VAT1L: variants seen among roughly 807,000 people sequenced by gnomAD.
VAT1L encodes the protein vesicle amine transport 1 like, also known as putative NADPH-dependent quinone oxidoreductase VAT1L.
In VAT1L, 34 loss-of-function variants were observed where a neutral mutation model predicts 44.1. The ratio of observed to expected loss-of-function variants is 0.77; its 90% CI spans 0.59 to 1.03. The LOEUF (loss-of-function observed/expected upper bound fraction) is 1.03, where lower values mean the gene tolerates loss of function less well. Ranked by LOEUF, VAT1L falls within the 50% of genes least tolerant of loss-of-function variation. VAT1L has a pLI of 0.00. For synonymous variants in VAT1L, 253 were observed against 202.2 expected, an observed-to-expected ratio of 1.25 and a Z score of -2.13; for missense variants, 615 against 538.8, an observed-to-expected ratio of 1.14 and a Z score of -1.40.
chr16:77,807,614 G>T (rs1285925225), intron 1 of VAT1L, among the ~76,000 whole-genome samples: 2 of 152,066 alleles, frequency 1.3e-5, no homozygotes, highest in African/African-American at 4.8e-5. Context: ...GCAAATCTCA[G>T]TCTCGGAGTC....
At chr16:77,831,243 G>A (rs2016574977) in intron 3 of VAT1L, among the ~76,000 whole-genome samples, 3 of 152,162 alleles carry the variant, frequency 2.0e-5, no homozygotes, top group Admixed American at 2.0e-4. Flanking sequence ...CCTCACGTAA[G>A]GATTAAGGGA....
chr16:77,859,634 G>A (rs534301367), intron 3 of VAT1L, among the ~76,000 whole-genome samples: 53 of 152,324 alleles, frequency 3.5e-4, no homozygotes, highest in African/African-American at 1.2e-3. Flanking sequence ...GTCAGGTGGA[G>A]GAGTGTTGTC....
At chr16:77,858,879 T>C (rs1051318869) in intron 3 of VAT1L, among the ~76,000 whole-genome samples, 1 of 152,078 alleles carries the variant, frequency 6.6e-6, no homozygotes, top group African/African-American at 2.4e-5. Flanking sequence ...CTCACACCTG[T>C]AATCCCAGCA....
At position 77,930,727 on chromosome 16, in the gene VAT1L, A is replaced by G. The variant is rs143256399; in HGVS notation, c.1078-41123A>G. Among the ~76,000 whole-genome samples, 141 of 152,250 alleles carry G rather than the reference A, an allele frequency of 9.3e-4. 1 individual carries two copies. The East Asian group carries it at 0.025, about 27-fold the overall frequency. ...TCAGTCTTCTTCCCAGGAAATGGAC[A>G]TCTCCTCTTGGCCTGCTCCAACATG... On this transcript the variant is annotated intron_variant, in intron 7 of 8. Transcript: ENST00000302536.
intron 8 of VAT1L, among the ~76,000 whole-genome samples, chr16:77,972,303 T>C (rs2018287740): frequency 1.3e-5 from 2 of 152,142 alleles, no homozygotes; most frequent in South Asian, 2.1e-4. Context: ...TGCTCCCTGA[T>C]GGTTCCACAG....
At chr16:77,824,541 G>A (rs535528525) in intron 2 of VAT1L, among the ~76,000 whole-genome samples, 89 of 152,158 alleles carry the variant, frequency 5.8e-4, no homozygotes, top group African/African-American at 1.9e-3. Context: ...GGATCATGGG[G>A]TCAGGAGATC....
chr16:77,924,207 C>T (rs968187255), intron 7 of VAT1L, among the ~76,000 whole-genome samples: 1 of 151,296 alleles, frequency 6.6e-6, no homozygotes, highest in Admixed American at 6.6e-5. Context: ...GAAACTCTTC[C>T]TTCAATATTT....
intron 7 of VAT1L, among the ~76,000 whole-genome samples, chr16:77,965,772 T>C (rs181145419): frequency 3.5e-4 from 54 of 152,190 alleles, no homozygotes; most frequent in East Asian, 1.9e-4. Flanking sequence ...GACAAAGACC[T>C]CTAGGTGAGG....
At chr16:77,859,743 G>A (rs542370791) in intron 3 of VAT1L, among the ~76,000 whole-genome samples, 5 of 152,184 alleles carry the variant, frequency 3.3e-5, no homozygotes, top group South Asian at 4.1e-4. Context: ...ATATAGGGAC[G>A]TGGGGTTGAG....
intron 7 of VAT1L, among the ~76,000 whole-genome samples, chr16:77,939,447 G>GC (rs1480325194): frequency 6.6e-6 from 1 of 152,188 alleles, no homozygotes; most frequent in East Asian, 1.9e-4. Context: ...TGATAACTCA[G>GC]CAAGTGCCAC....
At chr16:77,833,123 C>T (rs988999364) in intron 3 of VAT1L, among the ~76,000 whole-genome samples, 1 of 152,210 alleles carries the variant, frequency 6.6e-6, no homozygotes, top group Admixed American at 6.5e-5. Context: ...TACTTATTCA[C>T]TCATTCAGCA....
At chr16:77,812,307 A>G (rs2145229496) in intron 1 of VAT1L, among the ~76,000 whole-genome samples, 1 of 152,196 alleles carries the variant, frequency 6.6e-6, no homozygotes, top group East Asian at 1.9e-4. Flanking sequence ...TCCTGACCTC[A>G]GGTAATCCAC....
At chr16:77,961,666 C>A (rs2018161774) in intron 7 of VAT1L, among the ~76,000 whole-genome samples, 1 of 152,118 alleles carries the variant, frequency 6.6e-6, no homozygotes, top group South Asian at 2.1e-4. Context: ...GCCATTTTCC[C>A]CTGGCTGCCC....
In VAT1L at chr16:77,861,847, A is replaced by G. The variant is rs536237119; in HGVS notation, c.580-901A>G. ...GGGATAACTCAGAGGCGTATTCTAC[A>G]CTTGCTCACAGGGTTCCCCAGAGGG... On this transcript the variant is annotated intron_variant, in intron 3 of 8. Coordinates refer to ENST00000302536, the MANE Select transcript of VAT1L (RefSeq NM_020927.3). Among the ~76,000 whole-genome samples, 11 of 152,338 alleles carry G rather than the reference A, an allele frequency of 7.2e-5. No individual in the cohort carries two copies. In the South Asian group the frequency reaches 1.7e-3, roughly 23 times the overall value.
At chr16:77,822,479 G>A (rs1187599680) in intron 2 of VAT1L, among the ~76,000 whole-genome samples, 1 of 152,156 alleles carries the variant, frequency 6.6e-6, no homozygotes, top group Non-Finnish European at 1.5e-5. Context: ...CCACTAGTGT[G>A]GAGAGCCACC....
chr16:77,853,528 C>G (rs2016827173), intron 3 of VAT1L, among the ~76,000 whole-genome samples: 1 of 152,136 alleles, frequency 6.6e-6, no homozygotes. Flanking sequence ...GGGCCTTTCT[C>G]CTCTAAATCA....
In VAT1L at chr16:77,788,875, G is replaced by C; in HGVS notation, c.193G>C (p.Glu65Gln). 6.4e-7 allele frequency: 1 copy of C among 1,561,288 alleles called. No homozygotes were observed. The highest frequency in any genetic ancestry group is 8.7e-7 in the Non-Finnish European group (1 of 1,155,234). The change falls in exon 1 of 9, where the codon GAG becomes CAG. Residue 65 changes from glutamate (E) to glutamine (Q), a missense_variant. Transcript: ENST00000302536. The part of the protein sequence containing the change: ...KLRLFRKAMP[E>Q]PQDGELKIRV... ...GCGGCTCTTCAGGAAGGCCATGCCC[G>C]AGCCTCAGGACGGCGAGCTCAAGAT...
At chr16:77,892,831 T>C in intron 7 of VAT1L, 1 of 853,774 alleles carries the variant, frequency 1.2e-6, no homozygotes, top group Non-Finnish European at 2.0e-6. Flanking sequence ...AAGGCATGAA[T>C]ATTGTGGAGG....
At chr16:77,960,325 C>A (rs2018147759) in intron 7 of VAT1L, among the ~76,000 whole-genome samples, 1 of 152,078 alleles carries the variant, frequency 6.6e-6, no homozygotes, top group African/African-American at 2.4e-5. Flanking sequence ...AGTACCCTGG[C>A]AGGAAGCAAG....
Sources: gnomAD v4.1 joint callset for allele counts (sites outside exome capture counted in the v4.1 genomes callset) on GRCh38, gnomAD v4.1.1 for gene constraint, MANE v1.5 for transcripts, NCBI Gene and HGNC (gene_info 2026-07-23, HGNC 2026-07-21) for gene names.